TPRG1: variants seen among roughly 807,000 people sequenced by gnomAD.
The protein encoded by TPRG1 is tumor protein p63-regulated gene 1 protein.
In TPRG1, 29 loss-of-function variants were observed where a neutral mutation model predicts 29.3. That is an observed-to-expected ratio of 0.99 (90% confidence interval 0.74 to 1.35). TPRG1 has a LOEUF of 1.35. Among genes scored for constraint, TPRG1 ranks in the 40% most tolerant of loss-of-function variants. The pLI, the probability that TPRG1 is intolerant of heterozygous loss-of-function variation, is 0.00. For missense variants in TPRG1, 327 were observed against 335.0 expected, an observed-to-expected ratio of 0.98 and a Z score of 0.19; for synonymous variants, 130 against 116.8, an observed-to-expected ratio of 1.11 and a Z score of -0.73.
intron 5 of TPRG1, among the ~76,000 whole-genome samples, chr3:189,315,856 C>A (rs1182542787): frequency 6.6e-6 from 1 of 152,154 alleles, no homozygotes; most frequent in Non-Finnish European, 1.5e-5. Context: ...CAAAGACTTT[C>A]ACAAATTATA....
intron 4 of TPRG1, among the ~76,000 whole-genome samples, chr3:189,285,105 A>G (rs1717831147): frequency 1.3e-5 from 2 of 152,212 alleles, no homozygotes; most frequent in Admixed American, 1.3e-4. Context: ...AAAAAATCAA[A>G]CAACCCCATC....
intron 3 of TPRG1, among the ~76,000 whole-genome samples, chr3:189,219,400 C>T (rs1038548339): frequency 2.6e-5 from 4 of 151,848 alleles, no homozygotes; most frequent in African/African-American, 7.3e-5. Context: ...AATGAATCTC[C>T]GATTAGGATT....
intron 4 of TPRG1, among the ~76,000 whole-genome samples, chr3:189,048,366 C>G (rs1249177028): frequency 6.6e-6 from 1 of 152,132 alleles, no homozygotes; most frequent in South Asian, 2.1e-4. Flanking sequence ...TGTTATCAAT[C>G]AGGCTTTTTG....
intron 3 of TPRG1, among the ~76,000 whole-genome samples, chr3:189,233,397 G>C (rs527650304): frequency 6.4e-4 from 97 of 152,246 alleles, no homozygotes; most frequent in Middle Eastern, 6.8e-3. Context: ...CTCTCAGGAT[G>C]GATCCAGCCT....
At chr3:189,095,688 A>G (rs1718629425), upstream of TPRG1, among the ~76,000 whole-genome samples, 1 of 152,182 alleles carries the variant, frequency 6.6e-6, no homozygotes, top group South Asian at 2.1e-4. Flanking sequence ...TGTCTTGTTC[A>G]TAAGTCTCTG....
chr3:189,196,494 C>T (rs1187934413), intron 1 of TPRG1, among the ~76,000 whole-genome samples: 1 of 152,118 alleles, frequency 6.6e-6, no homozygotes, highest in African/African-American at 2.4e-5. Flanking sequence ...GAAGGGGAAG[C>T]AAGACACATC....
chr3:189,052,118 T>C (rs1715358255), intron 4 of TPRG1, among the ~76,000 whole-genome samples: 1 of 152,022 alleles, frequency 6.6e-6, no homozygotes, highest in Non-Finnish European at 1.5e-5. Flanking sequence ...ACTAAAGAGC[T>C]TTTGCACGGC....
At chr3:189,084,549 A>T (rs555767706) in intron 4 of TPRG1, among the ~76,000 whole-genome samples, 5 of 152,374 alleles carry the variant, frequency 3.3e-5, no homozygotes, top group African/African-American at 1.2e-4. Flanking sequence ...AAAGATTTCA[A>T]CCTAATTAAA....
At chr3:189,153,866 T>C (rs529204017) in intron 5 of TPRG1, among the ~76,000 whole-genome samples, 10 of 152,280 alleles carry the variant, frequency 6.6e-5, no homozygotes, top group African/African-American at 1.7e-4. Flanking sequence ...AAGGCAATCT[T>C]AGAGGACTAA....
intron 4 of TPRG1, among the ~76,000 whole-genome samples, chr3:189,038,332 A>G (rs1037327813): frequency 2.0e-5 from 3 of 152,086 alleles, no homozygotes; most frequent in African/African-American, 7.2e-5. Flanking sequence ...GTCCTCTTTT[A>G]CTTTTCAGTT....
At chr3:189,110,760 T>A (rs984244240) in intron 1 of TPRG1, among the ~76,000 whole-genome samples, 1 of 151,950 alleles carries the variant, frequency 6.6e-6, no homozygotes, top group Non-Finnish European at 1.5e-5. Flanking sequence ...TATCTAGGTA[T>A]TTTGTTTTGC....
chr3:189,163,908 T>C (rs2108638655), intron 5 of TPRG1, among the ~76,000 whole-genome samples: 1 of 152,160 alleles, frequency 6.6e-6, no homozygotes, highest in East Asian at 1.9e-4. Flanking sequence ...TGAAAACAAT[T>C]GGATAAGATG....
chr3:189,242,215 TGTA>T (rs1437138093), intron 4 of TPRG1, among the ~76,000 whole-genome samples: 2 of 152,174 alleles, frequency 1.3e-5, no homozygotes, highest in African/African-American at 2.4e-5. Context: ...TATTTTATAA[TGTA>T]GTACTTTTCT....
At chr3:189,184,041 T>TG (rs1730593458) in intron 1 of TPRG1, among the ~76,000 whole-genome samples, 1 of 152,168 alleles carries the variant, frequency 6.6e-6, no homozygotes, top group Non-Finnish European at 1.5e-5. Flanking sequence ...AGTATTAATT[T>TG]GGGGAACTAA....
chr3:189,235,870 G>A (rs1739378442), intron 3 of TPRG1, among the ~76,000 whole-genome samples: 1 of 152,160 alleles, frequency 6.6e-6, no homozygotes, highest in South Asian at 2.1e-4. Context: ...CAAAATGAGG[G>A]TAATAACATT....
chr3:189,079,820 G>T (rs982578825), intron 4 of TPRG1, among the ~76,000 whole-genome samples: 5 of 152,174 alleles, frequency 3.3e-5, no homozygotes, highest in African/African-American at 9.7e-5. Context: ...AGGCCAAAAG[G>T]TTTAAATATG....
At chr3:189,315,509 C>T (rs9827737) in intron 5 of TPRG1, 30,366 of 453,934 alleles carry the variant, frequency 0.067, 1,481 homozygotes, top group Non-Finnish European at 0.096. Context: ...GAGACTACTG[C>T]TGGGAAGGAT....
chr3:189,157,630 G>A (rs1168160257), intron 5 of TPRG1, among the ~76,000 whole-genome samples: 2 of 152,182 alleles, frequency 1.3e-5, no homozygotes, highest in Non-Finnish European at 2.9e-5. Context: ...AGAAGGAAGC[G>A]ATTCATCTGT....
chr3:189,319,756 C>T (rs948790880), intron 5 of TPRG1, among the ~76,000 whole-genome samples: 8 of 152,098 alleles, frequency 5.3e-5, no homozygotes, highest in African/African-American at 1.4e-4. Flanking sequence ...CCTAAAATCA[C>T]ATCAATCCAA....
Sources: allele counts gnomAD v4.1 joint callset (sites outside exome capture counted in the v4.1 genomes callset), GRCh38; gene constraint gnomAD v4.1.1; transcripts MANE v1.5; gene names NCBI Gene and HGNC (gene_info 2026-07-23, HGNC 2026-07-21).